TMOD1: variants seen among roughly 807,000 people sequenced by gnomAD.
TMOD1 encodes tropomodulin 1.
In TMOD1, 17 loss-of-function variants were observed where a neutral mutation model predicts 40.6. The ratio of observed to expected loss-of-function variants is 0.42; its 90% confidence interval spans 0.29 to 0.63. TMOD1 has a LOEUF of 0.63. Ranked by LOEUF, TMOD1 falls within the 20% of genes least tolerant of loss-of-function variation. The pLI is 0.22. For synonymous variants in TMOD1, 181 were observed against 175.0 expected, an observed-to-expected ratio of 1.03 and a Z score of -0.27; for missense variants, 391 against 447.6, an observed-to-expected ratio of 0.87 and a Z score of 1.14.
intron 1 of TMOD1, among the ~76,000 whole-genome samples, chr9:97,504,259 G>A (rs1829553426): frequency 2.6e-5 from 4 of 152,168 alleles, no homozygotes; most frequent in Admixed American, 6.5e-5. Context: ...TGCAATGATA[G>A]TATTCGTTGT....
chr9:97,509,726 AG>A (rs1829665054), intron 1 of TMOD1, among the ~76,000 whole-genome samples: 1 of 151,944 alleles, frequency 6.6e-6, no homozygotes, highest in Non-Finnish European at 1.5e-5. Context: ...GAACTGAAAA[AG>A]GGTATACCAA....
chr9:97,552,980 T>A (rs1313501457), intron 3 of TMOD1, among the ~76,000 whole-genome samples: 1 of 152,260 alleles, frequency 6.6e-6, no homozygotes, highest in Non-Finnish European at 1.5e-5. Flanking sequence ...CATTCTATTA[T>A]ATTTTTCTTT....
chr9:97,551,199 T>G (rs892414044), intron 3 of TMOD1, among the ~76,000 whole-genome samples: 21 of 151,844 alleles, frequency 1.4e-4, no homozygotes, highest in African/African-American at 4.3e-4. Flanking sequence ...AATTTTTGTA[T>G]TTTTAGTAGA....
intron 1 of TMOD1, among the ~76,000 whole-genome samples, chr9:97,512,420 C>T (rs1010914307): frequency 2.0e-5 from 3 of 152,066 alleles, no homozygotes; most frequent in African/African-American, 7.2e-5. Context: ...TGGGTACACA[C>T]CCAAAAGAAG....
At chr9:97,506,202 T>C (rs1829588138) in intron 1 of TMOD1, among the ~76,000 whole-genome samples, 1 of 152,192 alleles carries the variant, frequency 6.6e-6, no homozygotes. Flanking sequence ...TTGATTTACC[T>C]GTACCCCCAC....
Position 97,502,906 on chromosome 9 carries a change from A to G in TMOD1, c.-49+1103A>G, listed in dbSNP as rs541040733. On this transcript the variant is annotated intron_variant, in intron 1 of 9. Transcript: ENST00000259365. The surrounding 1 kb of genome is among the most constrained non-coding windows in gnomAD (Gnocchi z 6.1). ...CAGTTTCCCGGTCTATATCGGGCCT[A>G]TGATGCGTCCTCCAACCTGCGCAGC... is the stretch of plus-strand genomic sequence containing the variant. Among the ~76,000 whole-genome samples, 30 of 152,188 alleles carry G rather than the reference A, an allele frequency of 2.0e-4. No individual in the cohort carries two copies. In the South Asian group the frequency reaches 6.2e-3, roughly 32 times the overall value.
At chr9:97,565,077 T>C (rs1830706922) in intron 6 of TMOD1, among the ~76,000 whole-genome samples, 5 of 152,242 alleles carry the variant, frequency 3.3e-5, no homozygotes, top group Admixed American at 2.6e-4. Flanking sequence ...TTTTCTTTCA[T>C]GTGCCCAGTA....
In TMOD1 at chr9:97,509,517, TTG is replaced by T. The variant is rs1491325503; in HGVS notation, c.-49+7716_-49+7717del. ...TAATAGAGGTTTTTTTTTTTGTTTT[TTG>T]TTTTTTTTTTAGACAAGGTCTCACT... On this transcript the variant is annotated intron_variant, in intron 1 of 9. Transcript: ENST00000259365. 1.1e-3 allele frequency among the ~76,000 whole-genome samples: 138 copies of T among 121,516 alleles called. 4 individuals are homozygous for T. Among genetic ancestry groups the T allele is most frequent in the Middle Eastern group, 4.8e-3 (1 of 210 alleles). The allele number at this position is 121,516 out of a possible 152,430, so 79.7% of individuals were successfully genotyped here.
At chr9:97,528,186 C>T (rs910565595) in intron 2 of TMOD1, among the ~76,000 whole-genome samples, 1 of 152,222 alleles carries the variant, frequency 6.6e-6, no homozygotes, top group Admixed American at 6.5e-5. Flanking sequence ...GGAAGGGACA[C>T]TCCACTTGTG....
intron 9 of TMOD1, among the ~76,000 whole-genome samples, chr9:97,595,961 C>T (rs1310604826): frequency 2.0e-5 from 3 of 152,022 alleles, no homozygotes; most frequent in Non-Finnish European, 4.4e-5. Flanking sequence ...GTAATCCCAG[C>T]TCCTTGGGAG....
At chr9:97,550,348 T>A (rs1830430290) in intron 3 of TMOD1, among the ~76,000 whole-genome samples, 1 of 152,262 alleles carries the variant, frequency 6.6e-6, no homozygotes, top group Admixed American at 6.5e-5. Context: ...TAGAAGTATT[T>A]GTTCGAATAC....
chr9:97,532,430 C>T (rs183457510), intron 2 of TMOD1, among the ~76,000 whole-genome samples: 1 of 152,154 alleles, frequency 6.6e-6, no homozygotes, highest in Non-Finnish European at 1.5e-5. Context: ...CTTTTAGACT[C>T]TTTCACCTTC....
chr9:97,543,152 C>T (rs1275922035), intron 2 of TMOD1, among the ~76,000 whole-genome samples: 2 of 152,232 alleles, frequency 1.3e-5, no homozygotes, highest in Admixed American at 6.5e-5. Context: ...TGAATTTCTT[C>T]TATCGCAATA....
intron 1 of TMOD1, among the ~76,000 whole-genome samples, chr9:97,514,335 C>T: frequency 6.9e-6 from 1 of 144,760 alleles, no homozygotes; most frequent in South Asian, 2.2e-4. Context: ...CCAGGCTAGT[C>T]TTGAACTCTT....
At chr9:97,554,766 G>A (rs929262115) in intron 4 of TMOD1, among the ~76,000 whole-genome samples, 1 of 152,114 alleles carries the variant, frequency 6.6e-6, no homozygotes, top group Admixed American at 6.5e-5. Flanking sequence ...CCAGCACCAG[G>A]GACTTGACAG....
intron 8 of TMOD1, among the ~76,000 whole-genome samples, chr9:97,590,877 AAC>A (rs1825986439): frequency 6.6e-6 from 1 of 152,176 alleles, no homozygotes; most frequent in African/African-American, 2.4e-5. Context: ...AGTTTTTAAA[AAC>A]ACAGCCATCA....
At chr9:97,511,512 C>T (rs1829698135) in intron 1 of TMOD1, among the ~76,000 whole-genome samples, 1 of 152,222 alleles carries the variant, frequency 6.6e-6, no homozygotes, top group Non-Finnish European at 1.5e-5. Flanking sequence ...CATCGCTGCT[C>T]ACAGCCTATA....
intron 1 of TMOD1, among the ~76,000 whole-genome samples, chr9:97,509,093 G>T (rs954103582): frequency 5.9e-5 from 9 of 152,168 alleles, no homozygotes; most frequent in African/African-American, 2.2e-4. Context: ...CCTCCAGATG[G>T]AATCAACCCT....
Position 97,502,358 on chromosome 9 carries a change from A to G in TMOD1, c.-49+555A>G, listed in dbSNP as rs1015911846. Among the ~76,000 whole-genome samples, 2 of 152,158 alleles carry G rather than the reference A, an allele frequency of 1.3e-5. No individual in the cohort carries two copies. Among genetic ancestry groups the G allele is most frequent in the Admixed American group, 1.3e-4 (2 of 15,286 alleles). On this transcript the variant is annotated intron_variant, in intron 1 of 9. Coordinates refer to ENST00000259365, the MANE Select transcript of TMOD1 (RefSeq NM_003275.4). The surrounding 1 kb of genome is among the most constrained non-coding windows in gnomAD (Gnocchi z 6.1). Reference sequence around the variant, plus strand: ...GTGTTTGGGGCAGGTGAAGTTTCCCAAACTGGGAGAGACAAGGTTTAAAGC... The same window carrying G: ...GTGTTTGGGGCAGGTGAAGTTTCCCGAACTGGGAGAGACAAGGTTTAAAGC...
Sources: allele counts gnomAD v4.1 joint callset (sites outside exome capture counted in the v4.1 genomes callset), GRCh38; gene constraint gnomAD v4.1.1; non-coding constraint Gnocchi (gnomAD v3.1); transcripts MANE v1.5; gene names NCBI Gene and HGNC (gene_info 2026-07-23, HGNC 2026-07-21).